Variants in LRRC28 observed in about 807,000 individuals in gnomAD.
LRRC28 encodes leucine-rich repeat-containing protein 28.
LRRC28 carries 39 observed loss-of-function variants against 45.7 expected under a neutral mutation model. The observed-to-expected ratio is 0.85, with a 90% CI of 0.66 to 1.12. The LOEUF (loss-of-function observed/expected upper bound fraction) is 1.12. Ranked by LOEUF, LRRC28 falls within the 50% of genes most tolerant of loss-of-function variation. The probability of loss-of-function intolerance (pLI) is 0.00; values close to 1 mark genes in which losing one functional copy is unlikely to be tolerated. For synonymous variants in LRRC28, 206 were observed against 178.8 expected, an observed-to-expected ratio of 1.15 and a Z score of -1.22; for missense variants, 435 against 438.5, an observed-to-expected ratio of 0.99 and a Z score of 0.07.
chr15:99,259,495 T>C, intron 2 of LRRC28: 2 of 1,156,364 alleles, frequency 1.7e-6, no homozygotes, highest in Non-Finnish European at 2.6e-6. Context: ...ATAAAGCCAT[T>C]AAGGACAAGA....
Position 99,334,010 on chromosome 15 carries a change from C to G in LRRC28, c.473C>G (p.Ser158Cys), listed in dbSNP as rs1188582664. The change falls in exon 6 of 10, where the codon TCT (serine) becomes TGT (cysteine). Residue 158 changes from serine to cysteine, a missense_variant. Transcript: ENST00000301981. ...CCCGAGAGGCTTCACATGTGCCTTT[C>G]TCTGCAGTACCTCACTGTGGACCGA... is the stretch of plus-strand genomic sequence containing the variant. ...TLPERLHMCL[S>C]LQYLTVDRNR... is the part of the protein sequence containing the mutation. The G allele has an allele frequency of 6.2e-7, 1 of 1,614,150 alleles. No homozygotes were observed. The highest frequency in any genetic ancestry group is 1.1e-5 in the South Asian group (1 of 91,082).
chr15:99,389,138 A>C lies in LRRC28; in HGVS notation c.*3036A>C, dbSNP rs904686008. ...GAGTGATGAACTTCTTTGTTACCTGACCCTTCTCTTCTGGAAAAGTGAGGT... is the reference window on the plus strand; with the variant it reads ...GAGTGATGAACTTCTTTGTTACCTGCCCCTTCTCTTCTGGAAAAGTGAGGT... On this transcript the variant is annotated 3_prime_UTR_variant, in exon 10 of 10. Transcript: ENST00000301981. 3 of 152,078 alleles carry C rather than the reference A, an allele frequency of 2.0e-5. No individual in the cohort carries two copies. The highest frequency in any genetic ancestry group is 6.6e-5 in the Admixed American group (1 of 15,266). 9.4% of individuals were successfully genotyped at this position (152,078 alleles called of 1,614,324 possible).
At chr15:99,335,639 GCCTGGGCAACATA>G (rs1315562999) in intron 6 of LRRC28, among the ~76,000 whole-genome samples, 1 of 152,092 alleles carries the variant, frequency 6.6e-6, no homozygotes, top group African/African-American at 2.4e-5. Flanking sequence ...CTGCACTCCA[GCCTGGGCAACATA>G]CCAATACCCT....
intron 2 of LRRC28, among the ~76,000 whole-genome samples, chr15:99,268,131 T>C (rs2081379930): frequency 6.6e-6 from 1 of 152,202 alleles, no homozygotes; most frequent in African/African-American, 2.4e-5. Flanking sequence ...CTTCCTAGCC[T>C]AGCACCACCA....
At chr15:99,277,225 T>C (rs1375779757) in intron 3 of LRRC28, among the ~76,000 whole-genome samples, 1 of 152,160 alleles carries the variant, frequency 6.6e-6, no homozygotes, top group African/African-American at 2.4e-5. Context: ...TTGTACTCTT[T>C]GTTATTTGGC....
At chr15:99,290,733 A>T (rs951991790) in intron 5 of LRRC28, among the ~76,000 whole-genome samples, 1 of 152,112 alleles carries the variant, frequency 6.6e-6, no homozygotes, top group African/African-American at 2.4e-5. Context: ...GAGGATCAGG[A>T]TCGCTTGAAG....
chr15:99,251,952 G>T (rs1377456717), intron 1 of LRRC28: 2 of 152,220 alleles, frequency 1.3e-5, no homozygotes, highest in Non-Finnish European at 2.9e-5. Context: ...TAGGAAATTG[G>T]AATGCGTATT....
intron 9 of LRRC28, among the ~76,000 whole-genome samples, chr15:99,364,604 C>G (rs73464676): frequency 6.6e-6 from 1 of 152,082 alleles, no homozygotes; most frequent in Non-Finnish European, 1.5e-5. Context: ...AAAATAGATA[C>G]GTTTATGAGA....
At chr15:99,260,076 T>C in intron 2 of LRRC28, 1 of 514,606 alleles carries the variant, frequency 1.9e-6, no homozygotes, top group Non-Finnish European at 3.7e-6. Flanking sequence ...ATGTAAGTCA[T>C]TTCTTTTGGC....
intron 5 of LRRC28, chr15:99,332,167 T>C (rs7169906): frequency 0.42 from 63,650 of 152,078 alleles, 13,837 homozygotes; most frequent in African/African-American, 0.55. Context: ...CCCACACCCC[T>C]GAAATCAGAA....
At chr15:99,324,303 T>G (rs1383734310) in intron 5 of LRRC28, among the ~76,000 whole-genome samples, 1 of 152,216 alleles carries the variant, frequency 6.6e-6, no homozygotes, top group Non-Finnish European at 1.5e-5. Flanking sequence ...TTTGGAATTT[T>G]CCATTTAATA....
chr15:99,341,488 C>T (rs1956511312), intron 6 of LRRC28, among the ~76,000 whole-genome samples: 1 of 152,154 alleles, frequency 6.6e-6, no homozygotes, highest in Non-Finnish European at 1.5e-5. Flanking sequence ...AGGATTATTT[C>T]ATGTGGCTTC....
intron 5 of LRRC28, among the ~76,000 whole-genome samples, chr15:99,304,571 C>G (rs969485119): frequency 2.0e-5 from 3 of 152,030 alleles, no homozygotes; most frequent in Admixed American, 1.3e-4. Flanking sequence ...GCTGGGATTA[C>G]AGGTGTGCAC....
chr15:99,340,038 T>C (rs762332901), intron 6 of LRRC28, among the ~76,000 whole-genome samples: 3 of 152,246 alleles, frequency 2.0e-5, no homozygotes, highest in Non-Finnish European at 4.4e-5. Flanking sequence ...AAATTGTTTA[T>C]AGAAGAATTT....
At chr15:99,258,290 G>T (rs2081086118) in intron 2 of LRRC28, 1 of 1,546,774 alleles carries the variant, frequency 6.5e-7, no homozygotes, top group Non-Finnish European at 8.9e-7. Context: ...GTACATCTGG[G>T]AGTCTGAATC....
At chr15:99,255,370 G>A (rs1041343119) in intron 1 of LRRC28, among the ~76,000 whole-genome samples, 30 of 151,218 alleles carry the variant, frequency 2.0e-4, no homozygotes, top group Non-Finnish European at 3.8e-4. Flanking sequence ...AAAAAAATAA[G>A]AAGAAAGAAA....
chr15:99,332,345 G>T (rs1281173197), intron 5 of LRRC28, among the ~76,000 whole-genome samples: 1 of 152,144 alleles, frequency 6.6e-6, no homozygotes, highest in Non-Finnish European at 1.5e-5. Flanking sequence ...CTCCACTGCA[G>T]ATGTATATTT....
chr15:99,284,957 A>G (rs1597235185), intron 3 of LRRC28: 2 of 616,898 alleles, frequency 3.2e-6, no homozygotes, highest in African/African-American at 1.8e-5. Flanking sequence ...CATCAAAACC[A>G]CCTCCACGAC....
intron 6 of LRRC28, among the ~76,000 whole-genome samples, chr15:99,339,007 A>G (rs1956416982): frequency 6.6e-6 from 1 of 152,218 alleles, no homozygotes; most frequent in South Asian, 2.1e-4. Context: ...GAGGGAAAGC[A>G]GTCACTTGAG....
Sources: allele counts gnomAD v4.1 joint callset (sites outside exome capture counted in the v4.1 genomes callset), GRCh38; gene constraint gnomAD v4.1.1; transcripts MANE v1.5; gene names NCBI Gene and HGNC (gene_info 2026-07-23, HGNC 2026-07-21).